ST6GAL1: variants seen among roughly 807,000 people sequenced by gnomAD.
ST6GAL1 encodes the protein beta-galactoside alpha-2,6-sialyltransferase 1.
In ST6GAL1, 20 loss-of-function variants were observed where a neutral mutation model predicts 38.0. The observed-to-expected ratio is 0.53, with a 90% CI of 0.37 to 0.77. The LOEUF is 0.77. Among genes scored for constraint, ST6GAL1 ranks in the 30% least tolerant of loss-of-function variants. ST6GAL1 has a pLI of 0.00. For missense variants in ST6GAL1, 432 were observed against 496.4 expected (o/e 0.87, Z 1.23); for synonymous variants, 196 against 188.2 (o/e 1.04, Z -0.34).
At chr3:187,065,822 A>C (rs1267175753) in intron 5 of ST6GAL1, among the ~76,000 whole-genome samples, 1 of 152,296 alleles carries the variant, frequency 6.6e-6, no homozygotes, top group Non-Finnish European at 1.5e-5. Flanking sequence ...TATATATACC[A>C]TCTAAGGGTC....
rs151154748 is a variant in ST6GAL1 at position 187,077,964 on chromosome 3, C to T, written c.*2161C>T. On this transcript the variant is annotated 3_prime_UTR_variant, in exon 8 of 8. Coordinates refer to ENST00000169298, the MANE Select transcript of ST6GAL1 (RefSeq NM_173216.2). The stretch of plus-strand genomic sequence containing the variant: ...ATTCTGCTTGGGAATGGGCGGAGCA[C>T]GTGGGCTGCTTAACTGCTGTATAGG... 3.7e-4 allele frequency: 57 copies of T among 152,744 alleles called. No individual in the cohort carries two copies. The East Asian group carries it at 7.0e-3, about 19-fold the overall frequency. 9.5% of individuals were successfully genotyped at this position (152,744 alleles called of 1,614,324 possible).
At chr3:186,947,236 T>C (rs1714401323) in intron 1 of ST6GAL1, among the ~76,000 whole-genome samples, 1 of 152,180 alleles carries the variant, frequency 6.6e-6, no homozygotes, top group Non-Finnish European at 1.5e-5. Flanking sequence ...TTATCTCTAC[T>C]GTACACATGA....
At chr3:187,038,500 C>T (rs116705383) in intron 2 of ST6GAL1, 3,227 of 152,496 alleles carry the variant, frequency 0.021, 82 homozygotes, top group African/African-American at 0.057. Flanking sequence ...AGGTGTGAGC[C>T]ACCACACCCG....
chr3:187,039,593 A>G (rs773061486), intron 3 of ST6GAL1, among the ~76,000 whole-genome samples: 5 of 152,218 alleles, frequency 3.3e-5, no homozygotes, highest in African/African-American at 7.2e-5. Flanking sequence ...GCAGCAGTGC[A>G]GACACCTGGA....
intron 1 of ST6GAL1, among the ~76,000 whole-genome samples, chr3:186,932,437 A>G (rs1713791617): frequency 6.6e-6 from 1 of 152,260 alleles, no homozygotes; most frequent in Non-Finnish European, 1.5e-5. Context: ...TCAAATAGAA[A>G]GCTGCACCCT....
rs190723421 is a variant in ST6GAL1 at position 187,016,277 on chromosome 3, T to C, written c.-182-22465T>C. Among the ~76,000 whole-genome samples the C allele has an allele frequency of 1.1e-3, 167 of 152,316 alleles. 1 individual carries two copies. The highest frequency in any genetic ancestry group is 3.8e-4 in the Non-Finnish European group (26 of 68,018). On this transcript the variant is annotated intron_variant, in intron 2 of 7. Coordinates refer to ENST00000169298, the MANE Select transcript of ST6GAL1 (RefSeq NM_173216.2). ...GACATTCTATTCATCAAGCGCCACT[T>C]GCCTATCCTGTGCTTGGCAGTGCTA...
Position 186,932,096 on chromosome 3 carries a change from G to A in ST6GAL1, c.-325+1262G>A, listed in dbSNP as rs1713777806. Among the ~76,000 whole-genome samples, 4 of 152,308 alleles carry A rather than the reference G, an allele frequency of 2.6e-5. No individual in the cohort carries two copies. In the South Asian group the frequency reaches 8.3e-4, roughly 32 times the overall value. On this transcript the variant is annotated intron_variant, in intron 1 of 7. Transcript: ENST00000169298. ...CAGTGTGTGCCTGCTGAGCGGGCGG[G>A]CTGCTGCCTCACCTTGGCTAGTGTG... is the stretch of plus-strand genomic sequence containing the variant.
chr3:186,977,242 C>G (rs1027802601), intron 2 of ST6GAL1, among the ~76,000 whole-genome samples: 6 of 152,172 alleles, frequency 3.9e-5, no homozygotes, highest in South Asian at 2.1e-4. Flanking sequence ...CTCCCTCCCC[C>G]ACGGCTTCTC....
intron 1 of ST6GAL1, among the ~76,000 whole-genome samples, chr3:186,944,829 G>A (rs956182274): frequency 2.0e-5 from 3 of 152,176 alleles, no homozygotes; most frequent in Non-Finnish European, 4.4e-5. Flanking sequence ...ATATTCCATT[G>A]GCCAAGACTT....
intron 1 of ST6GAL1, among the ~76,000 whole-genome samples, chr3:186,941,671 G>A (rs1259099333): frequency 1.3e-5 from 2 of 152,100 alleles, no homozygotes; most frequent in African/African-American, 4.8e-5. Context: ...AATGGAACAA[G>A]CTGTGTTACA....
At chr3:186,944,994 G>A (rs920145635) in intron 1 of ST6GAL1, among the ~76,000 whole-genome samples, 1 of 152,188 alleles carries the variant, frequency 6.6e-6, no homozygotes, top group Non-Finnish European at 1.5e-5. Context: ...CTGCTTTAAG[G>A]GAAGTCATGT....
chr3:186,944,135 T>A (rs1197587285), intron 1 of ST6GAL1, among the ~76,000 whole-genome samples: 1 of 152,176 alleles, frequency 6.6e-6, no homozygotes, highest in African/African-American at 2.4e-5. Flanking sequence ...AGTCTTCAAA[T>A]AAAATCTTTA....
chr3:186,995,051 T>C (rs1213936265), intron 2 of ST6GAL1, among the ~76,000 whole-genome samples: 1 of 152,150 alleles, frequency 6.6e-6, no homozygotes, highest in East Asian at 1.9e-4. Context: ...ATGGAGTCAA[T>C]ATTCAATTTT....
At chr3:186,982,276 G>C (rs1487163205) in intron 2 of ST6GAL1, among the ~76,000 whole-genome samples, 1 of 152,212 alleles carries the variant, frequency 6.6e-6, no homozygotes, top group Non-Finnish European at 1.5e-5. Context: ...TCAAAGGGTG[G>C]CAGATCCCTA....
intron 2 of ST6GAL1, among the ~76,000 whole-genome samples, chr3:187,009,323 A>G (rs1463605507): frequency 6.6e-6 from 1 of 152,170 alleles, no homozygotes; most frequent in Non-Finnish European, 1.5e-5. Context: ...ATGGAATGAT[A>G]TGTCTGGGAT....
chr3:186,996,848 C>T (rs1047463807), intron 2 of ST6GAL1, among the ~76,000 whole-genome samples: 31 of 151,790 alleles, frequency 2.0e-4, no homozygotes, highest in Admixed American at 1.1e-3. Context: ...ACGTGTCCCC[C>T]GCTTCTTGCC....
Position 187,043,090 on chromosome 3 carries a change from A to G in ST6GAL1, c.387A>G (p.Pro129=), listed in dbSNP as rs940634770. 10 of 1,614,138 alleles carry G rather than the reference A, an allele frequency of 6.2e-6. No individual in the cohort carries two copies. Among genetic ancestry groups the G allele is most frequent in the Middle Eastern group, 1.6e-4 (1 of 6,084 alleles). Residue 129 remains proline (P), a synonymous_variant, in exon 4 of 8, where the codon CCA becomes CCG. Coordinates refer to ENST00000169298, the MANE Select transcript of ST6GAL1 (RefSeq NM_173216.2). ...AGTACAAAGTGTCCTACAAGGGGCC[A>G]GGACCAGGCATCAAGTTCAGTGCAG... is the stretch of plus-strand genomic sequence containing the variant. ...MNKYKVSYKG[P]GPGIKFSAEA...
chr3:187,031,734 C>G (rs79688667), intron 2 of ST6GAL1, among the ~76,000 whole-genome samples: 1 of 152,134 alleles, frequency 6.6e-6, no homozygotes, highest in Admixed American at 6.5e-5. Context: ...AGTACCTGGC[C>G]GAGTGGATTA....
At chr3:187,002,781 A>C (rs913111861) in intron 2 of ST6GAL1, among the ~76,000 whole-genome samples, 1 of 152,206 alleles carries the variant, frequency 6.6e-6, no homozygotes, top group Admixed American at 6.5e-5. Context: ...GTGTGTGTGC[A>C]TAATTACCCT....
Sources: gnomAD v4.1 joint callset for allele counts (sites outside exome capture counted in the v4.1 genomes callset) on GRCh38, gnomAD v4.1.1 for gene constraint, MANE v1.5 for transcripts, NCBI Gene and HGNC (gene_info 2026-07-23, HGNC 2026-07-21) for gene names.